ATAD3B: variants seen among roughly 807,000 people sequenced by gnomAD.
The protein encoded by ATAD3B is ATPase family AAA domain-containing protein 3B.
A neutral mutation model predicts 70.2 loss-of-function variants in ATAD3B; 59 were observed. The observed-to-expected ratio is 0.84, with a 90% CI of 0.68 to 1.04. The LOEUF (loss-of-function observed/expected upper bound fraction) is 1.04, where lower values mean the gene tolerates loss of function less well. ATAD3B is among the 50% of genes least tolerant of loss of function. The probability of loss-of-function intolerance (pLI) is 0.00; values close to 1 mark genes in which losing one functional copy is unlikely to be tolerated. For missense variants in ATAD3B, 961 were observed against 913.4 expected (o/e 1.05, Z -0.67); for synonymous variants, 423 against 388.6 (o/e 1.09, Z -1.04).
intron 15 of ATAD3B, among the ~76,000 whole-genome samples, chr1:1,494,053 T>C (rs1335207172): frequency 6.6e-6 from 1 of 152,040 alleles, no homozygotes; most frequent in African/African-American, 2.4e-5. Flanking sequence ...TCTTTGACCT[T>C]TTATAGCTTG....
chr1:1,501,506 C>T (rs552547499), downstream of ATAD3B, among the ~76,000 whole-genome samples: 3 of 152,182 alleles, frequency 2.0e-5, no homozygotes, highest in Non-Finnish European at 2.9e-5. Flanking sequence ...CCGCCCGCCT[C>T]GGCCTCCCAA....
intron 7 of ATAD3B, chr1:1,483,474 A>C (rs1401317145): frequency 5.0e-6 from 1 of 200,362 alleles, no homozygotes; most frequent in East Asian, 1.8e-4. Flanking sequence ...TCTCAAAAAA[A>C]CAAACAAAAT....
intron 11 of ATAD3B, 98 bp from the exon 12 acceptor site, chr1:1,487,765 G>A (rs1640304666): frequency 1.4e-6 from 2 of 1,450,214 alleles, no homozygotes; most frequent in African/African-American, 1.4e-5. Context: ...GACCCCGTGG[G>A]GATCTGCCTG....
chr1:1,489,871 G>A (rs541353621), intron 13 of ATAD3B: 49 of 1,217,440 alleles, frequency 4.0e-5, no homozygotes, highest in African/African-American at 1.4e-4. Flanking sequence ...CCGGGCCCCC[G>A]AGGTCCTGCT....
chr1:1,473,442 G>A (rs1311842389), intron 1 of ATAD3B, among the ~76,000 whole-genome samples: 1 of 151,358 alleles, frequency 6.6e-6, no homozygotes, highest in Non-Finnish European at 1.5e-5. Flanking sequence ...CTGACCTCGT[G>A]GTCCACCCGC....
intron 14 of ATAD3B, 66 bp from the exon 15 acceptor site, chr1:1,490,497 C>G: frequency 1.9e-6 from 3 of 1,610,832 alleles, no homozygotes; most frequent in South Asian, 2.2e-5. Context: ...TGCCTGTCTT[C>G]CGGCCTCCAC....
downstream of ATAD3B, among the ~76,000 whole-genome samples, chr1:1,501,593 G>A (rs1209071476): frequency 6.6e-6 from 1 of 152,098 alleles, no homozygotes; most frequent in Non-Finnish European, 1.5e-5. Context: ...GTTTCACCAT[G>A]TTGACCAGGC....
chr1:1,489,919 G>A (rs1640439873), intron 13 of ATAD3B: 4 of 1,228,926 alleles, frequency 3.3e-6, no homozygotes, highest in South Asian at 3.1e-5. Context: ...AGGGACTCTG[G>A]GTCCCGCATC....
Position 1,486,663 on chromosome 1 carries a change from G to C in ATAD3B, c.1209G>C (p.Arg403=). The change falls in exon 11 of 16, where the codon CGG becomes CGC. Residue 403 remains arginine (R), a synonymous_variant. Transcript: ENST00000673477. ...HKLFDWANTS[R]RGLLLFMDEA... ...TCTTTGACTGGGCCAATACCAGCCG[G>C]CGCGGGTGAGACGTCCCCACAGCAT... The C allele has an allele frequency of 6.2e-7, 1 of 1,600,628 alleles. No individual in the cohort carries two copies.
the ATAD3B span, among the ~76,000 whole-genome samples, chr1:1,504,523 G>A: frequency 3.9e-5 from 6 of 151,910 alleles, no homozygotes; most frequent in Admixed American, 6.6e-5. Context: ...GGTGGCGGGC[G>A]CCTGTAATCC....
At chr1:1,477,542 C>T (rs1015427290) in intron 2 of ATAD3B, among the ~76,000 whole-genome samples, 192 bp downstream of exon 2, 4 of 151,638 alleles carry the variant, frequency 2.6e-5, no homozygotes, top group African/African-American at 9.7e-5. Flanking sequence ...CAGAGCCGCC[C>T]GAGAGGGAGG....
rs1639353517 is a variant in ATAD3B at position 1,472,084 on chromosome 1, A to G, written c.200A>G (p.His67Arg). The change falls in exon 1 of 16, where the codon CAC becomes CGC. Residue 67 changes from histidine (H) to arginine (R), a missense_variant. By Grantham distance (29) the His-to-Arg change is conservative. Coordinates refer to ENST00000673477, the MANE Select transcript of ATAD3B (RefSeq NM_031921.6). ...GCCAAGGCGGCGCGCGAGCTGGAGC[A>G]CTCGCGTGAGTGCGGCGGGGCGGGG... ...RAAKAARELE[H>R]SRYAKEALNL... is the part of the protein sequence containing the mutation. The G allele has an allele frequency of 1.7e-6, 2 of 1,165,404 alleles. No individual in the cohort carries two copies. Among genetic ancestry groups the G allele is most frequent in the East Asian group, 5.4e-5 (1 of 18,518 alleles). 72.2% of individuals were successfully genotyped at this position (1,165,404 alleles called of 1,614,324 possible).
chr1:1,508,933 C>T, the ATAD3B span, among the ~76,000 whole-genome samples: 2 of 140,780 alleles, frequency 1.4e-5, no homozygotes, highest in South Asian at 2.2e-4. Context: ...CTGGGTCGGC[C>T]GTCAGTGAGG....
At chr1:1,490,742 C>G in intron 15 of ATAD3B, 71 bp downstream of exon 15, 1 of 1,528,690 alleles carries the variant, frequency 6.5e-7, no homozygotes. Context: ...TTGCGCCAGG[C>G]CTGTCCCAGC....
chr1:1,498,513 G>A (rs552864328), downstream of ATAD3B, among the ~76,000 whole-genome samples: 1 of 151,744 alleles, frequency 6.6e-6, no homozygotes, highest in Non-Finnish European at 1.5e-5. Flanking sequence ...TGGCCATGGC[G>A]AGGGGTGGGG....
At chr1:1,474,215 C>T (rs1299458985) in intron 1 of ATAD3B, among the ~76,000 whole-genome samples, 3 of 149,320 alleles carry the variant, frequency 2.0e-5, no homozygotes, top group Non-Finnish European at 3.0e-5. Flanking sequence ...TTTTTTTTGA[C>T]GGAGTCTCGC....
intron 2 of ATAD3B, chr1:1,478,269 T>G: frequency 8.3e-6 from 6 of 726,076 alleles, no homozygotes; most frequent in Admixed American, 6.3e-5. Context: ...AGTGCTGGGA[T>G]TATAGGCAAG....
At chr1:1,501,680 A>G (rs986504827), downstream of ATAD3B, among the ~76,000 whole-genome samples, 2 of 151,798 alleles carry the variant, frequency 1.3e-5, no homozygotes, top group Admixed American at 6.6e-5. Flanking sequence ...TGTGAGCCAC[A>G]GAGCCTGGCC....
At chr1:1,477,372 G>A (rs746172183) in intron 2 of ATAD3B, 22 bp downstream of exon 2, 7 of 1,611,812 alleles carry the variant, frequency 4.3e-6, no homozygotes, top group South Asian at 1.1e-5. Flanking sequence ...CGGTGTGGGC[G>A]AGGAGGCCGG....
Sources: gnomAD v4.1 joint callset for allele counts (sites outside exome capture counted in the v4.1 genomes callset) on GRCh38, gnomAD v4.1.1 for gene constraint, MANE v1.5 for transcripts, NCBI Gene and HGNC (gene_info 2026-07-23, HGNC 2026-07-21) for gene names.